Variants in THRB observed in about 807,000 individuals in gnomAD.
The protein encoded by THRB is thyroid hormone receptor beta.
Under a neutral mutation model 47.8 loss-of-function variants are expected in THRB, and 12 were observed. That is an observed-to-expected ratio of 0.25 (90% CI 0.16 to 0.41). The LOEUF (loss-of-function observed/expected upper bound fraction) is 0.41, where lower values mean the gene tolerates loss of function less well. THRB is among the 10% of genes least tolerant of loss of function. The probability of loss-of-function intolerance (pLI) is 1.00; values close to 1 mark genes in which losing one functional copy is unlikely to be tolerated. For synonymous variants in THRB, 218 were observed against 212.2 expected (o/e 1.03, Z -0.24); for missense variants, 348 against 589.2 (o/e 0.59, Z 4.24).
At chr3:24,372,993 C>T (rs2065026385) in intron 1 of THRB, among the ~76,000 whole-genome samples, 1 of 152,038 alleles carries the variant, frequency 6.6e-6, no homozygotes, top group Non-Finnish European at 1.5e-5. Flanking sequence ...CCTCAAGGGG[C>T]CGAGGGGCCT....
At chr3:24,163,456 A>T (rs2039194496) in intron 5 of THRB, among the ~76,000 whole-genome samples, 1 of 152,174 alleles carries the variant, frequency 6.6e-6, no homozygotes, top group Non-Finnish European at 1.5e-5. Flanking sequence ...GATAAAAGAG[A>T]AAAGAGCCTG....
At chr3:24,248,992 T>G (rs1177345897) in intron 3 of THRB, among the ~76,000 whole-genome samples, 3 of 152,218 alleles carry the variant, frequency 2.0e-5, no homozygotes, top group Non-Finnish European at 2.9e-5. Context: ...TTGAATTACC[T>G]AGTGTGATTT....
At chr3:24,140,187 A>G (rs1380985948) in intron 8 of THRB, among the ~76,000 whole-genome samples, 1 of 152,208 alleles carries the variant, frequency 6.6e-6, no homozygotes, top group Non-Finnish European at 1.5e-5. Flanking sequence ...AAATATGTAA[A>G]CTGGCTAAGA....
intron 1 of THRB, among the ~76,000 whole-genome samples, chr3:24,444,633 C>T (rs911214002): frequency 1.3e-5 from 2 of 152,256 alleles, no homozygotes; most frequent in Admixed American, 6.5e-5. Flanking sequence ...GATGGAGTTT[C>T]GCTCTTGTTG....
At position 24,471,075 on chromosome 3, in the gene THRB, T is replaced by A. The variant is rs956373815; in HGVS notation, c.-261+23577A>T. On this transcript the variant is annotated intron_variant, in intron 1 of 10. Coordinates refer to ENST00000646209, the MANE Select transcript of THRB (RefSeq NM_001354712.2). ...ATTTTCTACATCCTTCTGGATTTTG[T>A]TCTGACTGAAAGAGTGGGACCCAAC... is the stretch of plus-strand genomic sequence containing the variant. 1.2e-4 allele frequency among the ~76,000 whole-genome samples: 19 copies of A among 152,244 alleles called. No homozygotes were observed. In the East Asian group the frequency reaches 1.3e-3, roughly 11 times the overall value.
At chr3:24,374,819 C>A (rs1460143009) in intron 1 of THRB, among the ~76,000 whole-genome samples, 1 of 152,002 alleles carries the variant, frequency 6.6e-6, no homozygotes, top group African/African-American at 2.4e-5. Flanking sequence ...AAATGCAACA[C>A]ATTGAGAATA....
rs775493106 is a variant in THRB, at chr3:24,481,245, T to TG, written c.-261+13406_-261+13407insC. Among the ~76,000 whole-genome samples the TG allele has an allele frequency of 7.6e-3, 1,126 of 148,144 alleles. 9 individuals are homozygous for TG. Among genetic ancestry groups the TG allele is most frequent in the Non-Finnish European group, 0.012 (808 of 67,160 alleles). ...TTTCTTTCTGTTTTTTTTTTTTTTT[T>TG]TTTTTTTTTTTTACGGAAAAAGAAA... On this transcript the variant is annotated intron_variant, in intron 1 of 10. Coordinates refer to ENST00000646209, the MANE Select transcript of THRB (RefSeq NM_001354712.2).
chr3:24,494,226 T>C (rs1472204637), intron 1 of THRB: 1 of 152,282 alleles, frequency 6.6e-6, no homozygotes, highest in Non-Finnish European at 1.5e-5. Flanking sequence ...CTGCCAACCT[T>C]TTCCGAACCC....
At chr3:24,239,434 T>C (rs190418184) in intron 3 of THRB, among the ~76,000 whole-genome samples, 2 of 152,206 alleles carry the variant, frequency 1.3e-5, no homozygotes, top group East Asian at 1.9e-4. Flanking sequence ...TAGTTCCAAT[T>C]TGCAAGAATT....
At chr3:24,127,175 G>C (rs2032999706) in intron 10 of THRB, among the ~76,000 whole-genome samples, 1 of 152,136 alleles carries the variant, frequency 6.6e-6, no homozygotes, top group African/African-American at 2.4e-5. Context: ...ATCCATATCT[G>C]GCATACCCCA....
At chr3:24,249,610 T>C (rs1346454662) in intron 3 of THRB, among the ~76,000 whole-genome samples, 1 of 152,210 alleles carries the variant, frequency 6.6e-6, no homozygotes, top group Non-Finnish European at 1.5e-5. Flanking sequence ...ATATCTGTTA[T>C]ACCTTCTCAG....
At chr3:24,245,683 C>G (rs923381695) in intron 3 of THRB, among the ~76,000 whole-genome samples, 1 of 152,048 alleles carries the variant, frequency 6.6e-6, no homozygotes, top group Non-Finnish European at 1.5e-5. Flanking sequence ...GAGACCGAGG[C>G]GGGCAGATCA....
At chr3:24,338,086 AAAT>A (rs754753832) in intron 1 of THRB, among the ~76,000 whole-genome samples, 33 of 152,198 alleles carry the variant, frequency 2.2e-4, no homozygotes, top group Non-Finnish European at 4.0e-4. Flanking sequence ...TTGTTGTTGT[AAAT>A]AACGTAGAAA....
chr3:24,435,864 T>C (rs56101205), intron 1 of THRB, among the ~76,000 whole-genome samples: 91,462 of 152,126 alleles, frequency 0.6, 28,627 homozygotes, highest in South Asian at 0.75. Context: ...AAAGAATAGA[T>C]GATTAGGCCT....
At chr3:24,375,417 T>C (rs1435405241) in intron 1 of THRB, among the ~76,000 whole-genome samples, 1 of 144,518 alleles carries the variant, frequency 6.9e-6, no homozygotes, top group Non-Finnish European at 1.5e-5. Context: ...AATATTAATA[T>C]ATTATAGTTA....
At position 24,431,269 on chromosome 3, in the gene THRB, C is replaced by CT. The variant is rs879269416; in HGVS notation, c.-261+63382_-261+63383insA. ...CTCTCTCTCTCTCTCTCTACACACA[C>CT]ACACACACACACACACACACACACA... On this transcript the variant is annotated intron_variant, in intron 1 of 10. Transcript: ENST00000646209. 5.4e-3 allele frequency among the ~76,000 whole-genome samples: 711 copies of CT among 131,538 alleles called. 4 individuals carry two copies. Among genetic ancestry groups the CT allele is most frequent in the East Asian group, 0.026 (102 of 3,914 alleles). The allele number at this position is 131,538 out of a possible 152,430, so 86.3% of individuals were successfully genotyped here.
At chr3:24,373,714 G>A (rs574393673) in intron 1 of THRB, among the ~76,000 whole-genome samples, 10 of 152,076 alleles carry the variant, frequency 6.6e-5, no homozygotes, top group South Asian at 6.2e-4. Flanking sequence ...GAAGGATTCC[G>A]TACTTCTATA....
In THRB at chr3:24,469,225, T is replaced by C. The variant is rs115281277; in HGVS notation, c.-261+25427A>G. Among the ~76,000 whole-genome samples the C allele has an allele frequency of 4.2e-3, 644 of 152,330 alleles. 6 individuals are homozygous for C. The highest frequency in any genetic ancestry group is 0.015 in the African/African-American group (623 of 41,580). On this transcript the variant is annotated intron_variant, in intron 1 of 10. Transcript: ENST00000646209. ...GCCTCTTTAATTGCCTATCAAAACA[T>C]CTATTTCACTCCAGAACCAGCTGGA...
chr3:24,196,467 G>A (rs1340502190), intron 4 of THRB, among the ~76,000 whole-genome samples: 1 of 152,190 alleles, frequency 6.6e-6, no homozygotes, highest in East Asian at 1.9e-4. Context: ...TTAGAACAGT[G>A]TCCTGCACAT....
Sources: allele counts gnomAD v4.1 joint callset (sites outside exome capture counted in the v4.1 genomes callset), GRCh38; gene constraint gnomAD v4.1.1; transcripts MANE v1.5; gene names NCBI Gene and HGNC (gene_info 2026-07-23, HGNC 2026-07-21).